The following TRIM6 variants were observed in gnomAD, a reference collection of about 807,000 sequenced individuals.
The protein encoded by TRIM6 is tripartite motif containing 6.
A neutral mutation model predicts 51.2 loss-of-function variants in TRIM6; 43 were observed. The observed-to-expected ratio is 0.84, with a 90% confidence interval of 0.66 to 1.08. The LOEUF is 1.08. Ranked by LOEUF, TRIM6 falls within the 50% of genes least tolerant of loss-of-function variation. The pLI is 0.00. For synonymous variants in TRIM6, 215 were observed against 232.4 expected (o/e 0.93, Z 0.68); for missense variants, 669 against 619.0 (o/e 1.08, Z -0.86).
In TRIM6 at chr11:5,603,755, T is replaced by A. The variant is rs74937280; in HGVS notation, c.507+20T>A. 1.4e-3 allele frequency: 2,307 copies of A among 1,609,896 alleles called. 34 individuals carry two copies. The African/African-American group carries it at 0.024, about 17-fold the overall frequency. ...TACCAGGTGAGACCCCAGGATGGAA[T>A]GGGAGACAGAGAAACAGGGTCTTTG... On this transcript the variant is annotated intron_variant, in intron 2 of 7. Coordinates refer to ENST00000380097, the MANE Select transcript of TRIM6 (RefSeq NM_001003818.3).
chr11:5,610,169 G>T lies in TRIM6; in HGVS notation c.882G>T (p.Lys294Asn). 1.2e-6 allele frequency: 2 copies of T among 1,614,140 alleles called. No homozygotes were observed. Among genetic ancestry groups the T allele is most frequent in the Non-Finnish European group, 1.7e-6 (2 of 1,180,004 alleles). The change falls in exon 6 of 8, where the codon AAG (lysine) becomes AAT (asparagine). Residue 294 changes from lysine (K) to asparagine (N), a missense_variant. Coordinates refer to ENST00000380097, the MANE Select transcript of TRIM6 (RefSeq NM_001003818.3). ...TERSEFWTLR[K>N]PEALPTKLRS... ...GGAGTGAGTTCTGGACCCTGAGGAA[G>T]CCAGAAGCTCTCCCTACAAAGCTGA... is the stretch of plus-strand genomic sequence containing the variant.
In TRIM6 at chr11:5,603,649, A is replaced by G; in HGVS notation, c.421A>G (p.Lys141Glu). ...GCAGCTCTTCTGTCAGGAGGATGGG[A>G]AGGTCATTTGCTGGCTTTGTGAGCG... ...KLQLFCQEDG[K>E]VICWLCERSQ... Residue 141 changes from lysine (K) to glutamate (E), a missense_variant, in exon 2 of 8, where the codon AAG (lysine) becomes GAG (glutamate). Lys to Glu is a moderately conservative substitution (Grantham distance 56). Transcript: ENST00000380097. 6.2e-7 allele frequency: 1 copy of G among 1,613,182 alleles called. No individual in the cohort carries two copies. The highest frequency in any genetic ancestry group is 8.5e-7 in the Non-Finnish European group (1 of 1,179,880).
At chr11:5,608,178 ATTGAG>A (rs1477237871) in intron 4 of TRIM6, among the ~76,000 whole-genome samples, 189 bp from the exon 5 acceptor site, 1 of 152,196 alleles carries the variant, frequency 6.6e-6, no homozygotes, top group African/African-American at 2.4e-5. Context: ...TGATGAGTCA[ATTGAG>A]TTATTTTTTG....
Position 5,612,851 on chromosome 11 carries a change from C to CAAAAA in TRIM6, c.*1511_*1515dup, listed in dbSNP as rs551639395. 1.3e-5 allele frequency: 2 copies of CAAAAA among 152,138 alleles called. No individual in the cohort carries two copies. The highest frequency in any genetic ancestry group is 4.8e-5 in the African/African-American group (2 of 41,428). 9.4% of individuals were successfully genotyped at this position (152,138 alleles called of 1,614,324 possible). On this transcript the variant is annotated 3_prime_UTR_variant, in exon 8 of 8. Transcript: ENST00000380097. ...TATACCAGATTTCAAATACCTACTT[C>CAAAAA]AAAAAATAATGTAAAATATCTCACT...
At position 5,596,797 on chromosome 11, in the gene TRIM6, C is replaced by T. The variant is rs1183647671; in HGVS notation, c.-101C>T. On this transcript the variant is annotated 5_prime_UTR_variant, in exon 1 of 8. Transcript: ENST00000380097. ...TAGATAAAAGCCGAGTGAGCGCGCTCTGTTCCTTAAGATTAGTTTAAGGTG... is the reference window on the plus strand; with the variant it reads ...TAGATAAAAGCCGAGTGAGCGCGCTTTGTTCCTTAAGATTAGTTTAAGGTG... The T allele has an allele frequency of 1.3e-6, 2 of 1,591,328 alleles. No homozygotes were observed. The highest frequency in any genetic ancestry group is 1.7e-6 in the Non-Finnish European group (2 of 1,161,304).
At chr11:5,605,011 G>A (rs1074353) in intron 3 of TRIM6, among the ~76,000 whole-genome samples, 95,765 of 151,928 alleles carry the variant, frequency 0.63, 30,548 homozygotes, top group South Asian at 0.75. Flanking sequence ...ACAGGCCAGT[G>A]ATTTCCACCT....
intron 2 of TRIM6, 109 bp from the exon 3 acceptor site, chr11:5,604,425 G>T (rs1460845597): frequency 1.6e-6 from 2 of 1,257,874 alleles, no homozygotes; most frequent in Admixed American, 2.4e-5. Flanking sequence ...TCCTAGGTTA[G>T]GACAGGCTTC....
In TRIM6 at chr11:5,611,190, T is replaced by C. The variant is rs1276194494; in HGVS notation, c.1399T>C (p.Tyr467His). Residue 467 changes from tyrosine (Y) to histidine (H), a missense_variant, in exon 8 of 8, where the codon TAT becomes CAT. Transcript: ENST00000380097. ...TCGCCGTGTTGGGGTTTTCTTAGAT[T>C]ATGAGGCTGGTACTGTCTCCTTTTA... is the stretch of plus-strand genomic sequence containing the variant. ...PPRRVGVFLD[Y>H]EAGTVSFYNV... 1.2e-6 allele frequency: 2 copies of C among 1,614,144 alleles called. No homozygotes were observed. The highest frequency in any genetic ancestry group is 2.7e-5 in the African/African-American group (2 of 75,038).
At chr11:5,602,130 C>G (rs1010560349) in intron 1 of TRIM6, among the ~76,000 whole-genome samples, 1 of 152,172 alleles carries the variant, frequency 6.6e-6, no homozygotes, top group African/African-American at 2.4e-5. Context: ...AAGTAAAGAT[C>G]TGTATTAAGT....
At chr11:5,600,088 A>C (rs1317165670) in intron 1 of TRIM6, among the ~76,000 whole-genome samples, 1 of 152,214 alleles carries the variant, frequency 6.6e-6, no homozygotes, top group African/African-American at 2.4e-5. Context: ...AACACCAATT[A>C]GTACTACCAG....
chr11:5,607,755 G>A (rs1848312197), intron 4 of TRIM6, among the ~76,000 whole-genome samples: 3 of 152,154 alleles, frequency 2.0e-5, no homozygotes, highest in Admixed American at 6.5e-5. Context: ...TAGGATGGAA[G>A]GGAGACAAGA....
chr11:5,599,665 A>G (rs1325959021), intron 1 of TRIM6, among the ~76,000 whole-genome samples: 4 of 152,136 alleles, frequency 2.6e-5, no homozygotes, highest in Admixed American at 1.3e-4. Context: ...AGCCTCCCAA[A>G]GTGCTGGGAT....
intron 4 of TRIM6, among the ~76,000 whole-genome samples, chr11:5,606,497 C>T (rs947378710): frequency 1.3e-5 from 2 of 152,036 alleles, no homozygotes; most frequent in Admixed American, 1.3e-4. Context: ...CTTGCTCCTT[C>T]TTTCTTGGTG....
chr11:5,605,239 C>G, intron 3 of TRIM6, 98 bp from the exon 4 acceptor site: 3 of 1,545,198 alleles, frequency 1.9e-6, no homozygotes, highest in Non-Finnish European at 2.7e-6. Flanking sequence ...GGAGGCTTGG[C>G]CCAGGAAAGC....
rs1176977478 is a variant in TRIM6, at chr11:5,608,397, A to T, written c.857+3A>T. Reference sequence around the variant, plus strand: ...GATGTGAGTGATGTCACAGAAAGGTATGTGTAAGGAGAACATGAGGTAGTT... The same window carrying T: ...GATGTGAGTGATGTCACAGAAAGGTTTGTGTAAGGAGAACATGAGGTAGTT... On this transcript the variant is annotated splice_donor_region_variant and intron_variant, in intron 5 of 7. Transcript: ENST00000380097. 1.9e-6 allele frequency: 3 copies of T among 1,613,660 alleles called. No individual in the cohort carries two copies. Among genetic ancestry groups the T allele is most frequent in the Non-Finnish European group, 2.5e-6 (3 of 1,179,754 alleles).
intron 6 of TRIM6, 84 bp from the exon 7 acceptor site, chr11:5,610,451 T>A: frequency 6.2e-7 from 1 of 1,609,372 alleles, no homozygotes. Context: ...TCCTCACCAT[T>A]CCCCTCAATG....
In TRIM6 at chr11:5,603,497, G is replaced by A. The variant is rs778519305; in HGVS notation, c.269G>A (p.Ser90Asn). 6.2e-7 allele frequency: 1 copy of A among 1,614,134 alleles called. No homozygotes were observed. The highest frequency in any genetic ancestry group is 1.7e-5 in the Admixed American group (1 of 60,018). The change falls in exon 2 of 8, where the codon AGC becomes AAC. Residue 90 changes from serine (S) to asparagine (N), a missense_variant. Physicochemically the swap from Ser to Asn is conservative, Grantham distance 46 (BLOSUM62 1). Coordinates refer to ENST00000380097, the MANE Select transcript of TRIM6 (RefSeq NM_001003818.3). Reference sequence around the variant, plus strand: ...AGAAGCTGCCCTGTGTGCCAGACCAGCTACCAGCCAGGGAACCTGCGGCCT... The same window carrying A: ...AGAAGCTGCCCTGTGTGCCAGACCAACTACCAGCCAGGGAACCTGCGGCCT... The part of the protein sequence containing the change: ...GERSCPVCQT[S>N]YQPGNLRPNR...
chr11:5,602,682 G>A (rs1564863988), intron 1 of TRIM6, among the ~76,000 whole-genome samples: 1 of 151,422 alleles, frequency 6.6e-6, no homozygotes, highest in Non-Finnish European at 1.5e-5. Context: ...CTCCAGGTGC[G>A]GTGGCTCATG....
chr11:5,605,111 T>C, intron 3 of TRIM6: 1 of 582,980 alleles, frequency 1.7e-6, no homozygotes, highest in Non-Finnish European at 3.0e-6. Flanking sequence ...AGTTGATGTC[T>C]AGATGGCCTA....
Sources: allele counts gnomAD v4.1 joint callset (sites outside exome capture counted in the v4.1 genomes callset), GRCh38; gene constraint gnomAD v4.1.1; transcripts MANE v1.5; gene names NCBI Gene and HGNC (gene_info 2026-07-23, HGNC 2026-07-21).